METTL24: variants seen among roughly 807,000 people sequenced by gnomAD.
METTL24 encodes methyltransferase like 24, also known as probable methyltransferase-like protein 24.
Under a neutral mutation model 32.7 loss-of-function variants are expected in METTL24, and 29 were observed. The ratio of observed to expected loss-of-function variants is 0.89; its 90% CI spans 0.66 to 1.21. METTL24 has a LOEUF of 1.21. METTL24 is among the 50% of genes most tolerant of loss of function. METTL24 has a pLI of 0.00. For synonymous variants in METTL24, 163 were observed against 179.5 expected (o/e 0.91, Z 0.73); for missense variants, 439 against 468.1 (o/e 0.94, Z 0.57).
rs563983179 is a variant in METTL24 at position 110,317,787 on chromosome 6, C to T, written c.418-2306G>A. On this transcript the variant is annotated intron_variant, in intron 2 of 4. Transcript: ENST00000338882. ...CCACAGTGTTTCTCAACATACGGTCCGCCTACATCAGAATCACCTGGGAGG... is the reference window on the plus strand; with the variant it reads ...CCACAGTGTTTCTCAACATACGGTCTGCCTACATCAGAATCACCTGGGAGG... Among the ~76,000 whole-genome samples, 27 of 152,190 alleles carry T rather than the reference C, an allele frequency of 1.8e-4. 1 individual carries two copies. The South Asian group carries it at 4.6e-3, about 26-fold the overall frequency.
At chr6:110,261,281 A>G (rs1490795447) in intron 4 of METTL24, among the ~76,000 whole-genome samples, 1 of 151,580 alleles carries the variant, frequency 6.6e-6, no homozygotes, top group Non-Finnish European at 1.5e-5. Context: ...AGATCCACCA[A>G]GCAAATGGAA....
intron 4 of METTL24, among the ~76,000 whole-genome samples, chr6:110,256,496 T>G (rs544690280): frequency 6.6e-6 from 1 of 152,304 alleles, no homozygotes; most frequent in African/African-American, 2.4e-5. Flanking sequence ...GTAAGTTCCT[T>G]TAGGGCAGGA....
intron 2 of METTL24, among the ~76,000 whole-genome samples, chr6:110,316,768 T>A (rs781493711): frequency 2.1e-4 from 32 of 152,136 alleles, no homozygotes; most frequent in Non-Finnish European, 1.6e-4. Context: ...TGGTGGCATG[T>A]GCCTGTAGTC....
At chr6:110,302,607 A>T (rs1219021378) in intron 3 of METTL24, among the ~76,000 whole-genome samples, 1 of 128,306 alleles carries the variant, frequency 7.8e-6, no homozygotes, top group Non-Finnish European at 1.5e-5. Flanking sequence ...ATATACACAC[A>T]CATATGTGTA....
intron 4 of METTL24, among the ~76,000 whole-genome samples, chr6:110,247,436 G>C (rs900841970): frequency 2.0e-5 from 3 of 152,146 alleles, no homozygotes; most frequent in African/African-American, 7.2e-5. Flanking sequence ...GTCTCAAAGA[G>C]GTTTGGAGTT....
chr6:110,308,077 A>G (rs573054058), intron 3 of METTL24, among the ~76,000 whole-genome samples: 2 of 152,340 alleles, frequency 1.3e-5, no homozygotes, highest in South Asian at 4.1e-4. Flanking sequence ...TGTCTTAAAG[A>G]AAAACAACCA....
intron 4 of METTL24, among the ~76,000 whole-genome samples, chr6:110,267,739 T>C (rs979394249): frequency 6.6e-6 from 1 of 152,184 alleles, no homozygotes; most frequent in Non-Finnish European, 1.5e-5. Flanking sequence ...AGGTTTATTT[T>C]GGCTCACAGT....
chr6:110,317,268 T>G (rs1006826991), intron 2 of METTL24, among the ~76,000 whole-genome samples: 4 of 152,254 alleles, frequency 2.6e-5, no homozygotes, highest in Non-Finnish European at 4.4e-5. Context: ...AGCTACAGAA[T>G]ACATTTATTA....
chr6:110,248,316 G>A (rs1778208188), intron 4 of METTL24, among the ~76,000 whole-genome samples: 1 of 152,178 alleles, frequency 6.6e-6, no homozygotes, highest in African/African-American at 2.4e-5. Context: ...AGAGTTGAAT[G>A]CAAGAGAAGG....
intron 1 of METTL24, 119 bp from the exon 2 acceptor site, chr6:110,322,991 G>T: frequency 1.5e-6 from 1 of 647,168 alleles, no homozygotes. Flanking sequence ...ACACACATAT[G>T]CACACAGGCA....
chr6:110,324,129 C>G (rs56724015), intron 1 of METTL24, among the ~76,000 whole-genome samples: 2 of 152,032 alleles, frequency 1.3e-5, no homozygotes, highest in African/African-American at 4.8e-5. Context: ...TGAAGCCAGA[C>G]GGTCTGGGTT....
At chr6:110,262,842 C>T (rs1283877433) in intron 4 of METTL24, among the ~76,000 whole-genome samples, 1 of 152,162 alleles carries the variant, frequency 6.6e-6, no homozygotes, top group Non-Finnish European at 1.5e-5. Context: ...CGTAATCCAG[C>T]ATGTAAACAG....
chr6:110,346,581 T>G (rs1417846415), intron 1 of METTL24, among the ~76,000 whole-genome samples: 1 of 150,470 alleles, frequency 6.6e-6, no homozygotes, highest in Admixed American at 6.7e-5. Flanking sequence ...TTTGGCTCAC[T>G]GCAACCTCCA....
At chr6:110,340,264 C>G (rs1294999435) in intron 1 of METTL24, among the ~76,000 whole-genome samples, 2 of 152,106 alleles carry the variant, frequency 1.3e-5, no homozygotes, top group Non-Finnish European at 2.9e-5. Flanking sequence ...GGTCCTGACT[C>G]TAGGGGCTGT....
intron 2 of METTL24, among the ~76,000 whole-genome samples, chr6:110,319,861 C>T (rs1771900858): frequency 6.6e-6 from 1 of 152,194 alleles, no homozygotes; most frequent in Non-Finnish European, 1.5e-5. Flanking sequence ...GGGTGCCACG[C>T]CCATTGCTGT....
At chr6:110,276,386 G>A (rs1582396142) in intron 4 of METTL24, among the ~76,000 whole-genome samples, 1 of 152,206 alleles carries the variant, frequency 6.6e-6, no homozygotes, top group Admixed American at 6.5e-5. Context: ...AGGAGTTTGA[G>A]GTTGCAGTGA....
chr6:110,347,383 C>T (rs1772498285), intron 1 of METTL24, among the ~76,000 whole-genome samples: 1 of 152,158 alleles, frequency 6.6e-6, no homozygotes. Flanking sequence ...TACAGTAGGC[C>T]TCTCCTACCC....
chr6:110,286,549 A>T (rs1328906840), intron 4 of METTL24, among the ~76,000 whole-genome samples: 1 of 152,208 alleles, frequency 6.6e-6, no homozygotes, highest in Non-Finnish European at 1.5e-5. Context: ...ACAGTCGTAC[A>T]GCTGGGAGTG....
chr6:110,301,237 A>G (rs9487356), intron 3 of METTL24, among the ~76,000 whole-genome samples: 35,660 of 151,942 alleles, frequency 0.23, 6,792 homozygotes, highest in African/African-American at 0.53. Flanking sequence ...AACAGTTCCT[A>G]TTCCCTATTT....
Sources: allele counts gnomAD v4.1 joint callset (sites outside exome capture counted in the v4.1 genomes callset), GRCh38; gene constraint gnomAD v4.1.1; transcripts MANE v1.5; gene names NCBI Gene and HGNC (gene_info 2026-07-23, HGNC 2026-07-21).